SPG7: variants seen among roughly 807,000 people sequenced by gnomAD.
The protein encoded by SPG7 is SPG7 matrix AAA peptidase subunit, paraplegin.
In SPG7, 103 loss-of-function variants were observed where a neutral mutation model predicts 81.9. That is an observed-to-expected ratio of 1.26 (90% CI 1.07 to 1.48). The LOEUF (loss-of-function observed/expected upper bound fraction) is 1.48. Ranked by LOEUF, SPG7 falls within the 40% of genes most tolerant of loss-of-function variation. The pLI, the probability that SPG7 is intolerant of heterozygous loss-of-function variation, is 0.00. For synonymous variants in SPG7, 534 were observed against 444.2 expected, an observed-to-expected ratio of 1.20 and a Z score of -2.54; for missense variants, 1,241 against 1,087.3, an observed-to-expected ratio of 1.14 and a Z score of -1.99.
intron 1 of SPG7, 140 bp downstream of exon 1, chr16:89,508,740 G>T: frequency 1.1e-6 from 1 of 950,240 alleles, no homozygotes; most frequent in Non-Finnish European, 1.6e-6. Context: ...CCCCAGCTGT[G>T]GACCTCGGCG....
At chr16:89,549,157 G>T (rs2152410631) in intron 12 of SPG7, 3 of 456,718 alleles carry the variant, frequency 6.6e-6, no homozygotes, top group South Asian at 4.6e-5. Context: ...CTTTTATGTG[G>T]AAATCGAAAA....
At chr16:89,548,907 A>C in intron 12 of SPG7, 2 of 452,820 alleles carry the variant, frequency 4.4e-6, no homozygotes, top group South Asian at 3.1e-5. Flanking sequence ...CTCCTTTGCG[A>C]GCTATCCCTG....
chr16:89,521,625 C>T (rs1175967277), intron 3 of SPG7: 4 of 152,220 alleles, frequency 2.6e-5, no homozygotes, highest in African/African-American at 9.7e-5. Context: ...CACCTGTACT[C>T]CCAGCTACTC....
At chr16:89,542,287 T>G (rs2152408222) in intron 9 of SPG7, 1 of 152,370 alleles carries the variant, frequency 6.6e-6, no homozygotes, top group East Asian at 1.9e-4. Context: ...GCAGTAAGCC[T>G]TGGCAGGCCT....
Position 89,550,491 on chromosome 16 carries a change from C to G in SPG7, c.1664-3C>G. ...CCCAACTCATACCCCGGCATTCTTT[C>G]AGGGACTGCCAAAAAGAGCAAGATC... On this transcript the variant is annotated splice_region_variant and splice_polypyrimidine_tract_variant and intron_variant, in intron 12 of 16. Coordinates refer to ENST00000645818, the MANE Select transcript of SPG7 (RefSeq NM_003119.4). 1 of 1,608,846 alleles carries G rather than the reference C, an allele frequency of 6.2e-7. No homozygotes were observed.
At chr16:89,553,275 G>A in intron 14 of SPG7, 140 bp downstream of exon 14, 1 of 964,100 alleles carries the variant, frequency 1.0e-6, no homozygotes, top group Non-Finnish European at 1.6e-6. Context: ...AAGATAAGTT[G>A]TGGTCATAAG....
intron 9 of SPG7, chr16:89,540,566 A>G (rs1303069774): frequency 6.6e-6 from 1 of 152,442 alleles, no homozygotes; most frequent in Non-Finnish European, 1.5e-5. Context: ...AGCCTGGGCA[A>G]CAGGGCGAGA....
intron 7 of SPG7, chr16:89,531,162 C>T (rs1005573469): frequency 1.3e-5 from 5 of 384,974 alleles, no homozygotes; most frequent in East Asian, 6.2e-5. Flanking sequence ...GTCACTTACA[C>T]GTTTCCTCCG....
chr16:89,516,032 G>T (rs1377928954), intron 3 of SPG7, among the ~76,000 whole-genome samples: 2 of 151,156 alleles, frequency 1.3e-5, no homozygotes, highest in Non-Finnish European at 2.9e-5. Flanking sequence ...TTGTTTCCCA[G>T]GCTAGAGTGC....
chr16:89,514,982 G>C (rs1028031553), intron 3 of SPG7, among the ~76,000 whole-genome samples: 2 of 144,852 alleles, frequency 1.4e-5, no homozygotes, highest in African/African-American at 5.1e-5. Context: ...TGTCGCCTGG[G>C]CTGGAGTGCA....
intron 1 of SPG7, chr16:89,508,861 T>TCCCAACCC (rs1236212697): frequency 1.5e-6 from 1 of 661,950 alleles, no homozygotes; most frequent in South Asian, 1.5e-5. Flanking sequence ...CTGTTGTGTG[T>TCCCAACCC]GGATGTTCTC....
rs578107454 is a variant in SPG7, at chr16:89,511,267, A to G, written c.286+675A>G. Among the ~76,000 whole-genome samples the G allele has an allele frequency of 2.2e-4, 33 of 152,352 alleles. No homozygotes were observed. In the South Asian group the frequency reaches 6.8e-3, roughly 32 times the overall value. On this transcript the variant is annotated intron_variant, in intron 2 of 16. Coordinates refer to ENST00000645818, the MANE Select transcript of SPG7 (RefSeq NM_003119.4). ...TTTACAAAGTGGCTACAGATGTTTT[A>G]TATCCACACAATCACTAAAAATACC...
chr16:89,530,733 A>G lies in SPG7; in HGVS notation c.912A>G (p.Lys304=). Residue 304 remains lysine (K), a synonymous_variant, in exon 7 of 17, where the codon AAA becomes AAG. Transcript: ENST00000645818. ...CCATTGTGGATGGGAAGATGGGGAA[A>G]GGAGTCAGCTTCAAAGACGTGGCAG... ...RFTIVDGKMG[K]GVSFKDVAGM... is the part of the protein sequence containing the mutation. 6.2e-7 allele frequency: 1 copy of G among 1,614,208 alleles called. No individual in the cohort carries two copies. The highest frequency in any genetic ancestry group is 8.5e-7 in the Non-Finnish European group (1 of 1,180,028).
In SPG7 at chr16:89,543,938, C is replaced by T. The variant is rs28592777; in HGVS notation, c.1325-710C>T. On this transcript the variant is annotated intron_variant, in intron 9 of 16. Coordinates refer to ENST00000645818, the MANE Select transcript of SPG7 (RefSeq NM_003119.4). ...CTGGGACTACAGGCGTGAGCCACTG[C>T]ACCTGGTGGACTGGATTCTTTTAAA... 7.3e-3 allele frequency: 1,124 copies of T among 154,384 alleles called. 13 individuals are homozygous for T. The highest frequency in any genetic ancestry group is 9.6e-3 in the Non-Finnish European group (667 of 69,406). 9.6% of individuals were successfully genotyped at this position (154,384 alleles called of 1,614,324 possible).
rs2057999096 is a variant in SPG7 at position 89,510,345 on chromosome 16, CAG to C, written c.184-143_184-142del. 4.6e-6 allele frequency: 3 copies of C among 653,050 alleles called. No individual in the cohort carries two copies. The African/African-American group carries it at 5.5e-5, about 12-fold the overall frequency. The allele number at this position is 653,050 out of a possible 1,614,324, so 40.5% of individuals were successfully genotyped here. On this transcript the variant is annotated intron_variant, in intron 1 of 16. Coordinates refer to ENST00000645818, the MANE Select transcript of SPG7 (RefSeq NM_003119.4). Reference sequence around the variant, plus strand: ...TTACCTAAAGCTTTGACCTATTGCTCAGACTATTACTTTATATTTCAGGGCAA... The same window carrying C: ...TTACCTAAAGCTTTGACCTATTGCTCACTATTACTTTATATTTCAGGGCAA...
At chr16:89,535,476 C>T (rs1396469615) in intron 9 of SPG7, among the ~76,000 whole-genome samples, 3 of 152,192 alleles carry the variant, frequency 2.0e-5, no homozygotes, top group Middle Eastern at 3.2e-3. Flanking sequence ...TGCTTGTCCC[C>T]CGTGTCTCCA....
intron 3 of SPG7, among the ~76,000 whole-genome samples, chr16:89,513,854 T>C (rs2152395127): frequency 6.6e-6 from 1 of 152,370 alleles, no homozygotes; most frequent in South Asian, 2.1e-4. Context: ...GGACTTTTTC[T>C]TCCCATGTTG....
rs752530149 is a variant in SPG7 at position 89,532,082 on chromosome 16, G to A, written c.1150+16G>A. Reference sequence around the variant, plus strand: ...GTCATTGGAGGTAGGTGCTGTGGTTGGGGGCTGTGGGTGGGCTTGGCTGAC... The same window carrying A: ...GTCATTGGAGGTAGGTGCTGTGGTTAGGGGCTGTGGGTGGGCTTGGCTGAC... On this transcript the variant is annotated intron_variant, in intron 8 of 16. Coordinates refer to ENST00000645818, the MANE Select transcript of SPG7 (RefSeq NM_003119.4). The A allele has an allele frequency of 3.1e-6, 5 of 1,610,246 alleles. No homozygotes were observed. In the East Asian group the frequency reaches 1.1e-4, roughly 36 times the overall value.
rs115394604 is a variant in SPG7, at chr16:89,545,591, C to T, written c.1449+819C>T. ...ACGGCTTCTCCAGGGGACATGGCTT[C>T]TCCAGGGGACACTGTTTCTCCAGGG... On this transcript the variant is annotated intron_variant, in intron 10 of 16. Transcript: ENST00000645818. 208 of 231,156 alleles carry T rather than the reference C, an allele frequency of 9.0e-4. 2 individuals carry two copies. Among genetic ancestry groups the T allele is most frequent in the African/African-American group, 4.8e-3 (201 of 41,614 alleles). The allele number at this position is 231,156 out of a possible 1,614,324, so 14.3% of individuals were successfully genotyped here.
Sources: gnomAD v4.1 joint callset for allele counts (sites outside exome capture counted in the v4.1 genomes callset) on GRCh38, gnomAD v4.1.1 for gene constraint, MANE v1.5 for transcripts, NCBI Gene and HGNC (gene_info 2026-07-23, HGNC 2026-07-21) for gene names.